Variants in NOL4L observed in about 807,000 individuals in gnomAD.
NOL4L encodes the protein nucleolar protein 4-like.
In NOL4L, 7 loss-of-function variants were observed where a neutral mutation model predicts 64.5. The ratio of observed to expected loss-of-function variants is 0.11; its 90% CI spans 0.06 to 0.20. The LOEUF (loss-of-function observed/expected upper bound fraction) is 0.20. Ranked by LOEUF, NOL4L falls within the 10% of genes least tolerant of loss-of-function variation. NOL4L has a pLI of 1.00. For synonymous variants in NOL4L, 413 were observed against 401.0 expected (o/e 1.03, Z -0.36); for missense variants, 680 against 967.1 (o/e 0.70, Z 3.94).
Position 32,460,224 on chromosome 20 carries a change from C to A in NOL4L, c.842-3829G>T, listed in dbSNP as rs147084205. On this transcript the variant is annotated intron_variant, in intron 5 of 10. Coordinates refer to ENST00000621426, the MANE Select transcript of NOL4L (RefSeq NM_001256798.2). The surrounding 1 kb of genome is among the most constrained non-coding windows in gnomAD (Gnocchi z 5.7). Reference sequence around the variant, plus strand: ...TTTTACCACACACACAGAACCCAGACCAAAAACAGCCCCTTTGCCCTAGTT... The same window carrying A: ...TTTTACCACACACACAGAACCCAGAACAAAAACAGCCCCTTTGCCCTAGTT... 6.6e-6 allele frequency among the ~76,000 whole-genome samples: 1 copy of A among 152,202 alleles called. No individual in the cohort carries two copies.
chr20:32,458,102 C>T (rs2013724713), intron 5 of NOL4L, among the ~76,000 whole-genome samples: 1 of 152,204 alleles, frequency 6.6e-6, no homozygotes. Context: ...ACTGGCTGCT[C>T]TCCAGCGCCC....
intron 1 of NOL4L, among the ~76,000 whole-genome samples, chr20:32,564,112 A>G (rs527876305): frequency 3.5e-4 from 53 of 152,190 alleles, no homozygotes; most frequent in Non-Finnish European, 4.7e-4. Flanking sequence ...CTTGCCATCC[A>G]CCACGGCGGG....
chr20:32,556,595 C>T (rs1417676111), intron 1 of NOL4L, among the ~76,000 whole-genome samples: 1 of 152,194 alleles, frequency 6.6e-6, no homozygotes, highest in Non-Finnish European at 1.5e-5. Context: ...GTCACACAGC[C>T]GAGCAGAGGC....
chr20:32,519,698 GC>G (rs1445331515), intron 3 of NOL4L: 2 of 152,548 alleles, frequency 1.3e-5, no homozygotes, highest in African/African-American at 4.8e-5. Flanking sequence ...TTGAGGGGGT[GC>G]GGGGGTGCTG....
At chr20:32,531,292 T>C (rs1411883770) in intron 1 of NOL4L, among the ~76,000 whole-genome samples, 1 of 152,106 alleles carries the variant, frequency 6.6e-6, no homozygotes, top group Non-Finnish European at 1.5e-5. Context: ...GGAGACAATA[T>C]TTTATGTAGG....
chr20:32,569,787 C>T (rs1979648092), intron 1 of NOL4L, among the ~76,000 whole-genome samples: 1 of 152,170 alleles, frequency 6.6e-6, no homozygotes, highest in Admixed American at 6.5e-5. Flanking sequence ...CTGTTCACCA[C>T]CACAGAGGCG....
chr20:32,522,883 C>T (rs560600272), intron 2 of NOL4L, among the ~76,000 whole-genome samples: 7 of 152,318 alleles, frequency 4.6e-5, no homozygotes, highest in African/African-American at 1.4e-4. Context: ...AGAAGAGGGC[C>T]AGGTCCCTAC....
intron 1 of NOL4L, among the ~76,000 whole-genome samples, chr20:32,580,938 G>A (rs573264423): frequency 2.0e-5 from 3 of 152,350 alleles, no homozygotes; most frequent in Admixed American, 6.5e-5. Context: ...AAGGAAAGGG[G>A]TTGTTTTACT....
intron 1 of NOL4L, among the ~76,000 whole-genome samples, chr20:32,562,601 T>G (rs1979099249): frequency 6.6e-6 from 1 of 152,024 alleles, no homozygotes; most frequent in South Asian, 2.1e-4. Context: ...AGCCAGGGAC[T>G]CCTCTGCTCC....
chr20:32,538,445 TCCTC>T (rs1568700407), intron 1 of NOL4L, among the ~76,000 whole-genome samples: 1 of 145,734 alleles, frequency 6.9e-6, no homozygotes, highest in Non-Finnish European at 1.5e-5. Flanking sequence ...GGCCATGACC[TCCTC>T]CCTCCCTCCC....
intron 3 of NOL4L, among the ~76,000 whole-genome samples, chr20:32,512,954 G>C (rs994688516): frequency 1.3e-5 from 2 of 152,056 alleles, no homozygotes; most frequent in African/African-American, 4.8e-5. Flanking sequence ...GAAATTAAAA[G>C]GTAGGGACAT....
At chr20:32,456,506 G>T in intron 5 of NOL4L, 111 bp from the exon 6 acceptor site, 2 of 1,121,320 alleles carry the variant, frequency 1.8e-6, no homozygotes, top group Non-Finnish European at 2.3e-6. Context: ...GGGTTGGGGT[G>T]AGTGCTGCTA....
At chr20:32,483,504 C>T (rs1401898250) in intron 4 of NOL4L, 2 of 984,386 alleles carry the variant, frequency 2.0e-6, no homozygotes, top group Non-Finnish European at 1.2e-6. Flanking sequence ...ACCACCGCGG[C>T]GCGTCACTGC....
At chr20:32,498,388 C>T (rs2016779766) in intron 4 of NOL4L, among the ~76,000 whole-genome samples, 1 of 150,630 alleles carries the variant, frequency 6.6e-6, no homozygotes, top group African/African-American at 2.4e-5. Flanking sequence ...AGATGTTTGA[C>T]AATGAGCTTT....
chr20:32,511,503 C>A, intron 3 of NOL4L, 47 bp from the exon 4 acceptor site: 1 of 1,364,490 alleles, frequency 7.3e-7, no homozygotes, highest in Non-Finnish European at 1.0e-6. Flanking sequence ...GTGCTGCGGG[C>A]CTGTTGCCCA....
intron 4 of NOL4L, among the ~76,000 whole-genome samples, chr20:32,475,758 C>A (rs1238830594): frequency 2.0e-5 from 3 of 152,180 alleles, no homozygotes; most frequent in Admixed American, 1.3e-4. Flanking sequence ...AGAGCACCCC[C>A]CAAGCCTCCC....
At chr20:32,475,250 C>T in intron 4 of NOL4L, 2 of 985,480 alleles carry the variant, frequency 2.0e-6, no homozygotes, top group Non-Finnish European at 2.4e-6. Flanking sequence ...TCCCACTCCC[C>T]CAGCCCAGAG....
At chr20:32,458,551 C>G (rs1201710546) in intron 5 of NOL4L, among the ~76,000 whole-genome samples, 1 of 152,234 alleles carries the variant, frequency 6.6e-6, no homozygotes, top group African/African-American at 2.4e-5. Flanking sequence ...CCACGGGGGA[C>G]AGGGATGACA....
chr20:32,460,777 G>T lies in NOL4L; in HGVS notation c.842-4382C>A, dbSNP rs1370316480. 6.6e-6 allele frequency among the ~76,000 whole-genome samples: 1 copy of T among 152,166 alleles called. No homozygotes were observed. The highest frequency in any genetic ancestry group is 1.5e-5 in the Non-Finnish European group (1 of 68,030). On this transcript the variant is annotated intron_variant, in intron 5 of 10. Transcript: ENST00000621426. This position sits in a 1 kb window ranked among gnomAD's most constrained non-coding sequence, Gnocchi z 5.7. The stretch of plus-strand genomic sequence containing the variant: ...TGGGCCCAGTGAGAGGGCCACTGTG[G>T]GGATGGGGGCAACTGCCACCCTCGG...
Sources: gnomAD v4.1 joint callset for allele counts (sites outside exome capture counted in the v4.1 genomes callset) on GRCh38, gnomAD v4.1.1 for gene constraint, Gnocchi (gnomAD v3.1) non-coding constraint, MANE v1.5 for transcripts, NCBI Gene and HGNC (gene_info 2026-07-23, HGNC 2026-07-21) for gene names.